Variants in ADAM23 observed in about 807,000 individuals in gnomAD.
The protein encoded by ADAM23 is ADAM metallopeptidase domain 23.
A neutral mutation model predicts 120.1 loss-of-function variants in ADAM23; 33 were observed. The observed-to-expected ratio is 0.27, with a 90% CI of 0.21 to 0.37. The LOEUF (loss-of-function observed/expected upper bound fraction) is 0.37, where lower values mean the gene tolerates loss of function less well. Among genes scored for constraint, ADAM23 ranks in the 10% least tolerant of loss-of-function variants. The pLI is 1.00. For synonymous variants in ADAM23, 367 were observed against 375.2 expected (o/e 0.98, Z 0.25); for missense variants, 862 against 1,058.2 (o/e 0.81, Z 2.57).
In ADAM23 at chr2:206,557,463, A is replaced by G; in HGVS notation, c.970A>G (p.Asn324Asp). ...KHRSSHAHTNNFAKSVVNLVD... is the reference protein window; with the variant it reads ...KHRSSHAHTNDFAKSVVNLVD... ...TCGCTCTTCTCATGCACATACCAACAACTTTGCAAAGTCCGTGGTCAACCT... is the reference window on the plus strand; with the variant it reads ...TCGCTCTTCTCATGCACATACCAACGACTTTGCAAAGTCCGTGGTCAACCT... The change falls in exon 10 of 26, where the codon AAC becomes GAC. Residue 324 changes from asparagine to aspartate, a missense_variant. Physicochemically the swap from Asn to Asp is conservative, Grantham distance 23. Around this residue, in one of 4 missense-constraint regions of ADAM23, gnomAD observed 617 missense variants for 813.5 expected, o/e 0.76. Transcript: ENST00000264377. 6.2e-7 allele frequency: 1 copy of G among 1,613,988 alleles called. No homozygotes were observed. Among genetic ancestry groups the G allele is most frequent in the Non-Finnish European group, 8.5e-7 (1 of 1,179,884 alleles).
At chr2:206,452,922 G>A (rs1183978501) in intron 2 of ADAM23, among the ~76,000 whole-genome samples, 1 of 152,006 alleles carries the variant, frequency 6.6e-6, no homozygotes, top group Admixed American at 6.6e-5. Context: ...TCTTGTCATC[G>A]CCTCTGGTCT....
chr2:206,541,720 T>C (rs1381910174), intron 4 of ADAM23, among the ~76,000 whole-genome samples: 2 of 152,216 alleles, frequency 1.3e-5, no homozygotes, highest in Admixed American at 6.5e-5. Flanking sequence ...CTCTCTTCAG[T>C]CAAGTGGAAG....
chr2:206,529,070 G>T (rs1281733720), intron 3 of ADAM23, among the ~76,000 whole-genome samples: 1 of 152,114 alleles, frequency 6.6e-6, no homozygotes, highest in Non-Finnish European at 1.5e-5. Flanking sequence ...TGTATAGGGA[G>T]AAATATGTTT....
At chr2:206,594,593 G>GGAA in intron 22 of ADAM23, 144 bp from the exon 23 acceptor site, 1 of 811,298 alleles carries the variant, frequency 1.2e-6, no homozygotes. Context: ...TAGGGAAAGG[G>GGAA]GAAGAAGAAG....
At chr2:206,473,452 T>C (rs1032310753) in intron 2 of ADAM23, among the ~76,000 whole-genome samples, 54 of 152,096 alleles carry the variant, frequency 3.6e-4, no homozygotes, top group African/African-American at 1.2e-3. Context: ...ATAATATTTA[T>C]GCCAGGGGTA....
chr2:206,524,916 G>C (rs1179074855), intron 3 of ADAM23, among the ~76,000 whole-genome samples: 1 of 152,206 alleles, frequency 6.6e-6, no homozygotes, highest in African/African-American at 2.4e-5. Flanking sequence ...CAGACTGTTT[G>C]CTTACTAGAA....
At chr2:206,477,891 A>ATATATATATATATATATAT (rs1229595648) in intron 2 of ADAM23, among the ~76,000 whole-genome samples, 31 of 94,384 alleles carry the variant, frequency 3.3e-4, no homozygotes, top group South Asian at 1.7e-3. Context: ...AAAAAAAAAA[A>ATATATATATATATATATAT]AAAAAAATAT....
intron 18 of ADAM23, among the ~76,000 whole-genome samples, chr2:206,574,861 G>A (rs1042182285): frequency 3.3e-5 from 5 of 152,042 alleles, no homozygotes; most frequent in Non-Finnish European, 7.4e-5. Context: ...TATTTTATGT[G>A]TTTAATTTAT....
At chr2:206,461,505 T>C (rs537205009) in intron 2 of ADAM23, among the ~76,000 whole-genome samples, 16 of 152,328 alleles carry the variant, frequency 1.1e-4, no homozygotes, top group African/African-American at 3.6e-4. Context: ...GATTTAAATT[T>C]CCTAATTTTA....
chr2:206,463,304 G>GTGGGCCATGTTAAAACC (rs1695464988), intron 2 of ADAM23, among the ~76,000 whole-genome samples: 2 of 152,122 alleles, frequency 1.3e-5, no homozygotes, highest in East Asian at 3.9e-4. Context: ...ATGTAATGTT[G>GTGGGCCATGTTAAAACC]GAAACAGAGG....
intron 24 of ADAM23, among the ~76,000 whole-genome samples, chr2:206,605,295 A>G (rs967016369): frequency 5.3e-5 from 8 of 152,234 alleles, no homozygotes; most frequent in African/African-American, 1.4e-4. Flanking sequence ...TTCCCAGGTA[A>G]ACATGTATTT....
intron 18 of ADAM23, among the ~76,000 whole-genome samples, chr2:206,582,025 G>A (rs983853833): frequency 2.6e-5 from 4 of 152,022 alleles, no homozygotes; most frequent in Non-Finnish European, 4.4e-5. Context: ...TTACAGGCAG[G>A]TGCCACCATG....
chr2:206,586,733 A>T (rs1230317060), intron 18 of ADAM23, among the ~76,000 whole-genome samples: 1 of 152,234 alleles, frequency 6.6e-6, no homozygotes, highest in Non-Finnish European at 1.5e-5. Flanking sequence ...TATTTCTTTA[A>T]AAAATGATTT....
chr2:206,460,087 C>A (rs1263150444), intron 2 of ADAM23, among the ~76,000 whole-genome samples: 3 of 149,540 alleles, frequency 2.0e-5, no homozygotes, highest in African/African-American at 7.4e-5. Context: ...CCAGGGATTT[C>A]CCATCTACTC....
intron 12 of ADAM23, 42 bp downstream of exon 12, chr2:206,561,254 CTT>C (rs569170300): frequency 1.3e-6 from 2 of 1,544,116 alleles, no homozygotes; most frequent in South Asian, 1.1e-5. Flanking sequence ...CATCTGTTCT[CTT>C]TTTTCCCTAT....
chr2:206,500,650 C>T (rs1696368316), intron 3 of ADAM23, among the ~76,000 whole-genome samples: 1 of 152,154 alleles, frequency 6.6e-6, no homozygotes, highest in Admixed American at 6.6e-5. Flanking sequence ...CCTTCCTCTG[C>T]CCTTGGCATC....
chr2:206,615,851 A>G (rs1199102564), intron 25 of ADAM23, among the ~76,000 whole-genome samples: 1 of 152,230 alleles, frequency 6.6e-6, no homozygotes, highest in African/African-American at 2.4e-5. Context: ...GGAATTTCCT[A>G]TCTCCATTTA....
At chr2:206,602,602 C>T (rs764065562) in intron 24 of ADAM23, among the ~76,000 whole-genome samples, 4 of 151,998 alleles carry the variant, frequency 2.6e-5, no homozygotes, top group Non-Finnish European at 5.9e-5. Context: ...GGATTTTAAC[C>T]CCCTTTGGAA....
intron 15 of ADAM23, among the ~76,000 whole-genome samples, chr2:206,568,692 C>A (rs551329716): frequency 5.3e-5 from 8 of 152,324 alleles, no homozygotes; most frequent in Non-Finnish European, 1.2e-4. Context: ...TATGGAAATT[C>A]TAACATGGCA....
Sources: allele counts gnomAD v4.1 joint callset (sites outside exome capture counted in the v4.1 genomes callset), GRCh38; gene constraint gnomAD v4.1.1; regional missense constraint gnomAD v4.1.1; transcripts MANE v1.5; gene names NCBI Gene and HGNC (gene_info 2026-07-23, HGNC 2026-07-21).